The following KLHL24 variants were observed in gnomAD, a reference collection of about 807,000 sequenced individuals.
KLHL24 encodes kelch like family member 24.
In KLHL24, 29 loss-of-function variants were observed where a neutral mutation model predicts 53.4. That is an observed-to-expected ratio of 0.54 (90% CI 0.40 to 0.74). The LOEUF is 0.74. Ranked by LOEUF, KLHL24 falls within the 30% of genes least tolerant of loss-of-function variation. KLHL24 has a pLI of 0.00. For missense variants in KLHL24, 504 were observed against 744.0 expected (o/e 0.68, Z 3.75); for synonymous variants, 222 against 253.7 (o/e 0.88, Z 1.19).
intron 5 of KLHL24, among the ~76,000 whole-genome samples, chr3:183,666,689 T>C (rs1438340823): frequency 1.3e-5 from 2 of 152,246 alleles, no homozygotes; most frequent in Non-Finnish European, 2.9e-5. Flanking sequence ...TCATCACTCA[T>C]AAAGTTTCAG....
intron 1 of KLHL24, among the ~76,000 whole-genome samples, chr3:183,642,147 C>T (rs1190356886): frequency 6.6e-6 from 1 of 152,190 alleles, no homozygotes; most frequent in African/African-American, 2.4e-5. Flanking sequence ...CAGCCAGTGA[C>T]AGACATAAAC....
intron 3 of KLHL24, among the ~76,000 whole-genome samples, chr3:183,659,127 A>T (rs1380137789): frequency 7.2e-6 from 1 of 139,670 alleles, no homozygotes; most frequent in African/African-American, 2.9e-5. Flanking sequence ...TTTGAAAGCC[A>T]TTTGTAGGTT....
intron 1 of KLHL24, chr3:183,642,919 A>G (rs9810418): frequency 0.33 from 50,912 of 152,048 alleles, 9,382 homozygotes; most frequent in African/African-American, 0.49. Context: ...ATTTTACTGC[A>G]GGATAAAACT....
At position 183,663,327 on chromosome 3, in the gene KLHL24, A is replaced by G. The variant is rs753132349; in HGVS notation, c.921-131A>G. 16 of 421,662 alleles carry G rather than the reference A, an allele frequency of 3.8e-5. No individual in the cohort carries two copies. The highest frequency in any genetic ancestry group is 6.1e-5 in the Non-Finnish European group (15 of 245,550). The allele number at this position is 421,662 out of a possible 1,614,324, so 26.1% of individuals were successfully genotyped here. A position where few individuals can be genotyped will look rare whatever the true frequency, so the allele number is the denominator to read the frequency against. ...ATTTCCAGGCTGTACCGTTTGGCAC[A>G]TGCACAGAGAAGAAACTTAACTGTT... On this transcript the variant is annotated intron_variant, in intron 3 of 7. Coordinates refer to ENST00000242810, the MANE Select transcript of KLHL24 (RefSeq NM_017644.3). This position sits in a 1 kb window ranked among gnomAD's most constrained non-coding sequence, Gnocchi z 4.9.
intron 7 of KLHL24, among the ~76,000 whole-genome samples, chr3:183,677,806 T>TAA (rs1560189585): frequency 2.6e-4 from 40 of 152,254 alleles, no homozygotes; most frequent in African/African-American, 8.7e-4. Flanking sequence ...GTTTATTTTT[T>TAA]TTGAGACGGA....
chr3:183,664,941 G>C lies in KLHL24; in HGVS notation c.1126G>C (p.Asp376His). 1 of 1,608,602 alleles carries C rather than the reference G, an allele frequency of 6.2e-7. No homozygotes were observed. The change falls in exon 5 of 8, where the codon GAT becomes CAT. Residue 376 changes from aspartate (D) to histidine (H), a missense_variant. Physicochemically the swap from Asp to His is moderately conservative, Grantham distance 81. Transcript: ENST00000242810. ...LVSGGRINSRDVWIYNSQLNI... is the reference protein window; with the variant it reads ...LVSGGRINSRHVWIYNSQLNI... Reference sequence around the variant, plus strand: ...TCAAGGTGGAAGAATCAACAGCCGTGATGTCTGGATTTATAACTCACAGTT... The same window carrying C: ...TCAAGGTGGAAGAATCAACAGCCGTCATGTCTGGATTTATAACTCACAGTT...
Position 183,650,881 on chromosome 3 carries a change from T to C in KLHL24, c.525T>C (p.Ala175=). 7 of 1,614,196 alleles carry C rather than the reference T, an allele frequency of 4.3e-6. No individual in the cohort carries two copies. Among genetic ancestry groups the C allele is most frequent in the African/African-American group, 4.0e-5 (3 of 75,072 alleles). ...ATTGCTTAGGAATCCAGCGCTTTGC[T>C]GATACCCATTCACTCAAAACACTCT... The part of the protein sequence containing the change: ...PCNCLGIQRF[A]DTHSLKTLFT... Residue 175 remains alanine, a synonymous_variant, in exon 3 of 8, where the codon GCT becomes GCC. Transcript: ENST00000242810. The surrounding 1 kb of genome is among the most constrained non-coding windows in gnomAD (Gnocchi z 4.5).
At position 183,679,384 on chromosome 3, in the gene KLHL24, C is replaced by A; in HGVS notation, c.*98C>A. ...TCACATATCTCCTTTGTGCCATATG[C>A]AAAAAATAGTAAAAATAATAATTTG... On this transcript the variant is annotated 3_prime_UTR_variant, in exon 8 of 8. Coordinates refer to ENST00000242810, the MANE Select transcript of KLHL24 (RefSeq NM_017644.3). 3 of 753,158 alleles carry A rather than the reference C, an allele frequency of 4.0e-6. No individual in the cohort carries two copies. Among genetic ancestry groups the A allele is most frequent in the South Asian group, 1.8e-5 (1 of 55,322 alleles). The allele number at this position is 753,158 out of a possible 1,614,324, so 46.7% of individuals were successfully genotyped here.
intron 3 of KLHL24, among the ~76,000 whole-genome samples, chr3:183,654,874 G>A (rs1361694746): frequency 1.3e-5 from 2 of 152,200 alleles, no homozygotes; most frequent in African/African-American, 4.8e-5. Context: ...GCTTCAGTTA[G>A]ATGAATATAA....
chr3:183,654,138 T>C (rs1040176415), intron 3 of KLHL24, among the ~76,000 whole-genome samples: 1 of 152,218 alleles, frequency 6.6e-6, no homozygotes, highest in African/African-American at 2.4e-5. Flanking sequence ...CTTCGGTCTT[T>C]ATCCAGCTTG....
Position 183,679,204 on chromosome 3 carries a change from G to A in KLHL24, c.1721G>A (p.Gly574Glu), listed in dbSNP as rs1712423178. ...CYDPATSIIT[G>E]VAAMPRPVSY... ...GATCCTGCAACAAGTATCATCACAG[G>A]GGTAGCTGCAATGCCCAGGCCAGTG... The change falls in exon 8 of 8, where the codon GGG (glycine) becomes GAG (glutamate). Residue 574 changes from glycine (G) to glutamate (E), a missense_variant. Transcript: ENST00000242810. The A allele has an allele frequency of 6.2e-7, 1 of 1,613,650 alleles. No individual in the cohort carries two copies. Among genetic ancestry groups the A allele is most frequent in the Non-Finnish European group, 8.5e-7 (1 of 1,179,650 alleles).
At chr3:183,638,747 G>A (rs550774412) in intron 1 of KLHL24, among the ~76,000 whole-genome samples, 95 of 152,000 alleles carry the variant, frequency 6.3e-4, no homozygotes, top group African/African-American at 2.2e-3. Flanking sequence ...AACAGAATGG[G>A]CAACATAGTG....
chr3:183,638,162 C>T (rs560254688), intron 1 of KLHL24, among the ~76,000 whole-genome samples: 13 of 152,138 alleles, frequency 8.5e-5, no homozygotes, highest in Non-Finnish European at 1.6e-4. Flanking sequence ...AAAATGCAAT[C>T]GTCTAACCTT....
Position 183,682,040 on chromosome 3 carries a change from A to T in KLHL24, c.*2754A>T, listed in dbSNP as rs902594525. 2 of 151,890 alleles carry T rather than the reference A, an allele frequency of 1.3e-5. No homozygotes were observed. Among genetic ancestry groups the T allele is most frequent in the Admixed American group, 6.6e-5 (1 of 15,218 alleles). 9.4% of individuals were successfully genotyped at this position (151,890 alleles called of 1,614,324 possible). ...TGACCATGCTAAATTCAATTCTGGA[A>T]TTTTTTTTTATTTGGGCATTTCTAG... On this transcript the variant is annotated 3_prime_UTR_variant, in exon 8 of 8. Transcript: ENST00000242810.
intron 3 of KLHL24, among the ~76,000 whole-genome samples, chr3:183,655,620 C>T (rs377231546): frequency 6.6e-6 from 1 of 151,726 alleles, no homozygotes; most frequent in African/African-American, 2.4e-5. Context: ...CAGAGCAATA[C>T]CCTGACTCAA....
In KLHL24 at chr3:183,679,123, A is replaced by T; in HGVS notation, c.1640A>T (p.Tyr547Phe). Residue 547 changes from tyrosine (Y) to phenylalanine (F), a missense_variant, in exon 8 of 8, where the codon TAT becomes TTT. By Grantham distance (22) the Tyr-to-Phe change is conservative (BLOSUM62 3). Transcript: ENST00000242810. Reference sequence around the variant, plus strand: ...ATGTCTGTGTGTAATGGTAAAATATATATCCTGGGCGGAAGACGGGAAAAT... The same window carrying T: ...ATGTCTGTGTGTAATGGTAAAATATTTATCCTGGGCGGAAGACGGGAAAAT... ...CGMSVCNGKI[Y>F]ILGGRRENGE... The T allele has an allele frequency of 6.2e-7, 1 of 1,613,966 alleles. No individual in the cohort carries two copies.
At chr3:183,676,389 C>T (rs973059380) in intron 7 of KLHL24, among the ~76,000 whole-genome samples, 1 of 152,210 alleles carries the variant, frequency 6.6e-6, no homozygotes, top group African/African-American at 2.4e-5. Context: ...AGCCACGGCA[C>T]CTGGCCTTAT....
At chr3:183,676,639 C>A (rs1259666322) in intron 7 of KLHL24, among the ~76,000 whole-genome samples, 1 of 152,086 alleles carries the variant, frequency 6.6e-6, no homozygotes, top group African/African-American at 2.4e-5. Context: ...TCACCATTTC[C>A]ACGCCTCTTC....
intron 5 of KLHL24, among the ~76,000 whole-genome samples, chr3:183,668,251 G>C (rs1720853806): frequency 6.6e-6 from 1 of 151,804 alleles, no homozygotes; most frequent in African/African-American, 2.4e-5. Flanking sequence ...AATAATCCAG[G>C]GGTTGGAAGG....
Sources: allele counts gnomAD v4.1 joint callset (sites outside exome capture counted in the v4.1 genomes callset), GRCh38; gene constraint gnomAD v4.1.1; non-coding constraint Gnocchi (gnomAD v3.1); transcripts MANE v1.5; gene names NCBI Gene and HGNC (gene_info 2026-07-23, HGNC 2026-07-21).